Variants in ZBTB38 observed in about 807,000 individuals in gnomAD.
ZBTB38 encodes zinc finger and BTB domain-containing protein 38.
In ZBTB38, 20 loss-of-function variants were observed where a neutral mutation model predicts 76.8. The ratio of observed to expected loss-of-function variants is 0.26; its 90% CI spans 0.18 to 0.38. The LOEUF (loss-of-function observed/expected upper bound fraction) is 0.38. ZBTB38 is among the 10% of genes least tolerant of loss of function. The pLI, the probability that ZBTB38 is intolerant of heterozygous loss-of-function variation, is 1.00. For synonymous variants in ZBTB38, 504 were observed against 544.2 expected (o/e 0.93, Z 1.03); for missense variants, 1,082 against 1,482.3 (o/e 0.73, Z 4.43).
chr3:141,349,123 T>G (rs1392961405), intron 1 of ZBTB38, among the ~76,000 whole-genome samples: 5 of 152,112 alleles, frequency 3.3e-5, no homozygotes, highest in African/African-American at 1.2e-4. Context: ...AGACAGGCCC[T>G]CCTCTACCTT....
chr3:141,390,825 A>G (rs567521327), intron 4 of ZBTB38, among the ~76,000 whole-genome samples: 1 of 152,330 alleles, frequency 6.6e-6, no homozygotes, highest in South Asian at 2.1e-4. Flanking sequence ...GATGTAAATA[A>G]AGAAGGCAAG....
intron 5 of ZBTB38, chr3:141,426,230 G>T (rs1251040162): frequency 8.6e-6 from 11 of 1,282,564 alleles, no homozygotes; most frequent in Non-Finnish European, 1.1e-5. Context: ...ATATATCTTG[G>T]TAATTTTCAG....
chr3:141,429,438 G>C (rs1378900907), intron 5 of ZBTB38, among the ~76,000 whole-genome samples: 1 of 152,184 alleles, frequency 6.6e-6, no homozygotes, highest in African/African-American at 2.4e-5. Flanking sequence ...GACAGCAGCA[G>C]GTTGCTTTTT....
intron 4 of ZBTB38, among the ~76,000 whole-genome samples, chr3:141,401,835 C>A (rs2149556632): frequency 6.6e-6 from 1 of 152,316 alleles, no homozygotes; most frequent in South Asian, 2.1e-4. Context: ...AGGACTGGGT[C>A]TTTTGCGTGA....
chr3:141,435,677 T>C (rs2078612159), intron 5 of ZBTB38, among the ~76,000 whole-genome samples: 1 of 151,902 alleles, frequency 6.6e-6, no homozygotes, highest in African/African-American at 2.4e-5. Flanking sequence ...GAAGAATTGC[T>C]TGAACCCTGG....
At chr3:141,340,949 G>GGACA (rs1943166539) in intron 1 of ZBTB38, among the ~76,000 whole-genome samples, 1 of 111,928 alleles carries the variant, frequency 8.9e-6, no homozygotes, top group Non-Finnish European at 1.7e-5. Context: ...AAAGAAAGAA[G>GGACA]GAAAGAAAGA....
chr3:141,388,395 T>TG (rs1212363916), intron 4 of ZBTB38: 2 of 152,120 alleles, frequency 1.3e-5, no homozygotes, highest in Admixed American at 6.5e-5. Flanking sequence ...GTATATAATT[T>TG]GGGGGGATGA....
At chr3:141,340,713 T>A (rs1332533844) in intron 1 of ZBTB38, among the ~76,000 whole-genome samples, 1 of 151,678 alleles carries the variant, frequency 6.6e-6, no homozygotes, top group South Asian at 2.1e-4. Flanking sequence ...CTGGCTGACA[T>A]GGTGAAACCC....
intron 2 of ZBTB38, among the ~76,000 whole-genome samples, chr3:141,378,726 C>T (rs1380063763): frequency 6.6e-6 from 1 of 152,142 alleles, no homozygotes; most frequent in East Asian, 1.9e-4. Flanking sequence ...TGGCTTTGGC[C>T]GCACCCTCTG....
intron 5 of ZBTB38, among the ~76,000 whole-genome samples, chr3:141,422,490 G>A (rs2075612545): frequency 6.6e-6 from 1 of 152,214 alleles, no homozygotes; most frequent in Admixed American, 6.5e-5. Flanking sequence ...GGCCTTCTTA[G>A]CCTAGTCTCC....
chr3:141,346,476 TTTAGAA>T (rs1264782186), intron 1 of ZBTB38, among the ~76,000 whole-genome samples: 39 of 152,336 alleles, frequency 2.6e-4, no homozygotes, highest in African/African-American at 9.1e-4. Flanking sequence ...GTTATAATTA[TTTAGAA>T]TTAATCATAC....
chr3:141,330,960 C>T (rs1462969145), intron 1 of ZBTB38, among the ~76,000 whole-genome samples: 3 of 152,322 alleles, frequency 2.0e-5, no homozygotes, highest in South Asian at 2.1e-4. Flanking sequence ...CATTTCTTTC[C>T]TTATAAAATA....
At position 141,426,215 on chromosome 3, in the gene ZBTB38, G is replaced by A. The variant is rs781781803; in HGVS notation, c.1-16174G>A. 8.3e-5 allele frequency: 107 copies of A among 1,288,164 alleles called. No individual in the cohort carries two copies. In the Middle Eastern group the frequency reaches 8.5e-4, roughly 10 times the overall value. 79.8% of individuals were successfully genotyped at this position (1,288,164 alleles called of 1,614,324 possible). Reference sequence around the variant, plus strand: ...TCAGAAGTCACAGGCCAGGTCGTGCGGACTATATATCTTGGTAATTTTCAG... The same window carrying A: ...TCAGAAGTCACAGGCCAGGTCGTGCAGACTATATATCTTGGTAATTTTCAG... On this transcript the variant is annotated intron_variant, in intron 5 of 5. Coordinates refer to ENST00000321464, the MANE Select transcript of ZBTB38 (RefSeq NM_001376113.1).
chr3:141,351,250 T>G (rs935254922), intron 1 of ZBTB38, among the ~76,000 whole-genome samples: 1 of 152,156 alleles, frequency 6.6e-6, no homozygotes, highest in African/African-American at 2.4e-5. Flanking sequence ...TACTTATCCT[T>G]TAAATGGTAC....
Position 141,444,535 on chromosome 3 carries a change from T to G in ZBTB38, c.2147T>G (p.Val716Gly). Residue 716 changes from valine (V) to glycine (G), a missense_variant, in exon 6 of 6, where the codon GTC becomes GGC. Coordinates refer to ENST00000321464, the MANE Select transcript of ZBTB38 (RefSeq NM_001376113.1). This position sits in a 1 kb window ranked among gnomAD's most constrained non-coding sequence, Gnocchi z 5.1. Reference protein sequence around the residue: ...VISYSGSAPSVIVHSSQFSSV... With the variant: ...VISYSGSAPSGIVHSSQFSSV... ...AGCTACAGTGGCTCTGCACCCTCGG[T>G]CATTGTACACAGCAGCCAGTTTTCA... is the stretch of plus-strand genomic sequence containing the variant. 2 of 1,614,122 alleles carry G rather than the reference T, an allele frequency of 1.2e-6. No individual in the cohort carries two copies. The highest frequency in any genetic ancestry group is 1.7e-6 in the Non-Finnish European group (2 of 1,180,020).
At chr3:141,342,725 CTTTTTT>C (rs60578286) in intron 1 of ZBTB38, among the ~76,000 whole-genome samples, 2 of 108,820 alleles carry the variant, frequency 1.8e-5, no homozygotes, top group East Asian at 2.8e-4. Flanking sequence ...GTCCCATGAT[CTTTTTT>C]TTTTTTTTTT....
At chr3:141,389,439 C>T (rs1053915713) in intron 4 of ZBTB38, 75 of 147,778 alleles carry the variant, frequency 5.1e-4, no homozygotes, top group African/African-American at 1.8e-3. Context: ...AAATACCCTT[C>T]CTGCAACACC....
At chr3:141,423,434 C>G (rs910108476) in intron 5 of ZBTB38, among the ~76,000 whole-genome samples, 1 of 152,190 alleles carries the variant, frequency 6.6e-6, no homozygotes, top group Non-Finnish European at 1.5e-5. Flanking sequence ...GGTCACACTG[C>G]TGTGTCCACT....
intron 2 of ZBTB38, among the ~76,000 whole-genome samples, chr3:141,373,898 G>A (rs1944980554): frequency 6.6e-6 from 1 of 152,198 alleles, no homozygotes; most frequent in Non-Finnish European, 1.5e-5. Context: ...GGGAGGCTGA[G>A]GTGCGCAGAT....
Sources: allele counts gnomAD v4.1 joint callset (sites outside exome capture counted in the v4.1 genomes callset), GRCh38; gene constraint gnomAD v4.1.1; non-coding constraint Gnocchi (gnomAD v3.1); transcripts MANE v1.5; gene names NCBI Gene and HGNC (gene_info 2026-07-23, HGNC 2026-07-21).